The following PACRG variants were observed in gnomAD, a reference collection of about 807,000 sequenced individuals.
The protein encoded by PACRG is parkin coregulated, also known as parkin coregulated gene protein.
In PACRG, 29 loss-of-function variants were observed where a neutral mutation model predicts 29.7. The observed-to-expected ratio is 0.98, with a 90% CI of 0.73 to 1.33. The LOEUF (loss-of-function observed/expected upper bound fraction) is 1.33. Ranked by LOEUF, PACRG falls within the 40% of genes most tolerant of loss-of-function variation. PACRG has a pLI of 0.00. For synonymous variants in PACRG, 116 were observed against 118.7 expected, an observed-to-expected ratio of 0.98 and a Z score of 0.15; for missense variants, 279 against 316.2, an observed-to-expected ratio of 0.88 and a Z score of 0.89.
chr6:162,778,123 G>C (rs1303738265), intron 1 of PACRG, among the ~76,000 whole-genome samples: 1 of 152,130 alleles, frequency 6.6e-6, no homozygotes, highest in Non-Finnish European at 1.5e-5. Flanking sequence ...TCGGTGTTTT[G>C]GGGGGAGGAA....
At chr6:162,949,555 ACTATAAATACC>A (rs534878266) in intron 2 of PACRG, among the ~76,000 whole-genome samples, 90 of 152,338 alleles carry the variant, frequency 5.9e-4, no homozygotes, top group Non-Finnish European at 1.1e-3. Context: ...GGTGCTAGAT[ACTATAAATACC>A]CTAGCTTGAT....
intron 2 of PACRG, among the ~76,000 whole-genome samples, chr6:162,815,991 G>A (rs1266438281): frequency 2.6e-5 from 4 of 151,844 alleles, no homozygotes; most frequent in African/African-American, 9.7e-5. Flanking sequence ...ATAATTTTAT[G>A]AGCAACCTTT....
At chr6:163,061,391 C>T (rs1811084481) in intron 2 of PACRG, among the ~76,000 whole-genome samples, 1 of 152,188 alleles carries the variant, frequency 6.6e-6, no homozygotes, top group Non-Finnish European at 1.5e-5. Flanking sequence ...GTTTTAGTTC[C>T]CATTCCCTGG....
At chr6:162,959,617 A>G (rs1800442088) in intron 2 of PACRG, among the ~76,000 whole-genome samples, 1 of 152,160 alleles carries the variant, frequency 6.6e-6, no homozygotes, top group Admixed American at 6.5e-5. Flanking sequence ...TTGGAATAAC[A>G]TGATCTGACT....
At chr6:162,809,537 C>T (rs974556750) in intron 1 of PACRG, among the ~76,000 whole-genome samples, 1 of 152,132 alleles carries the variant, frequency 6.6e-6, no homozygotes, top group East Asian at 1.9e-4. Flanking sequence ...TATGAATAGC[C>T]TTCTAAGCTT....
chr6:162,799,545 A>C (rs1785674892), intron 1 of PACRG, among the ~76,000 whole-genome samples: 1 of 152,074 alleles, frequency 6.6e-6, no homozygotes, highest in Non-Finnish European at 1.5e-5. Context: ...TCATAATCAG[A>C]GTATTTCATA....
In PACRG at chr6:162,806,428, T is replaced by TA. The variant is rs74420708; in HGVS notation, c.157-7704dup. ...CCTGGCCTAAAATGTATTTCTTAAGTAAAAAAAAAAAAAAAGCTGAAAGTC... is the reference window on the plus strand; with the variant it reads ...CCTGGCCTAAAATGTATTTCTTAAGTAAAAAAAAAAAAAAAAGCTGAAAGTC... On this transcript the variant is annotated intron_variant, in intron 1 of 4. Transcript: ENST00000366888. 6.2e-3 allele frequency among the ~76,000 whole-genome samples: 795 copies of TA among 127,330 alleles called. 4 individuals are homozygous for TA. Among genetic ancestry groups the TA allele is most frequent in the Non-Finnish European group, 7.9e-3 (465 of 59,228 alleles). 83.5% of individuals were successfully genotyped at this position (127,330 alleles called of 152,430 possible).
intron 4 of PACRG, among the ~76,000 whole-genome samples, chr6:163,283,732 C>T (rs371806443): frequency 2.0e-5 from 3 of 148,450 alleles, no homozygotes; most frequent in South Asian, 2.1e-4. Flanking sequence ...ACCCGGGAAG[C>T]GGAGCTTGCA....
rs565047015 is a variant in PACRG, at chr6:163,217,993, A to G, written c.614-96834A>G. On this transcript the variant is annotated intron_variant, in intron 4 of 4. Transcript: ENST00000366888. ...CTTGAACCGTGAAACCCTCCCCGAC[A>G]CTGGTCCATGGAAAAATTGTGTTGG... 2.0e-4 allele frequency among the ~76,000 whole-genome samples: 30 copies of G among 152,242 alleles called. No homozygotes were observed. The South Asian group carries it at 5.0e-3, about 25-fold the overall frequency.
At chr6:162,870,980 C>G (rs996168391) in intron 2 of PACRG, among the ~76,000 whole-genome samples, 8 of 152,086 alleles carry the variant, frequency 5.3e-5, no homozygotes, top group Non-Finnish European at 1.0e-4. Context: ...AAGTAAAGGC[C>G]TGTGGTATCA....
At chr6:162,885,333 G>A (rs1473672068) in intron 2 of PACRG, among the ~76,000 whole-genome samples, 5 of 150,808 alleles carry the variant, frequency 3.3e-5, no homozygotes, top group East Asian at 1.9e-4. Context: ...GCAGTGGCAC[G>A]ACCTTAGCTC....
intron 2 of PACRG, among the ~76,000 whole-genome samples, chr6:162,820,309 G>T (rs1261795480): frequency 6.7e-6 from 1 of 149,950 alleles, no homozygotes; most frequent in Non-Finnish European, 1.5e-5. Context: ...TTTTTTTCTA[G>T]TTCTTTTTAT....
chr6:162,752,784 T>TA (rs1781608477), intron 1 of PACRG, among the ~76,000 whole-genome samples: 1 of 152,188 alleles, frequency 6.6e-6, no homozygotes, highest in Non-Finnish European at 1.5e-5. Flanking sequence ...AGAAAAATAT[T>TA]AAAATACATA....
chr6:163,197,054 AAAAG>A (rs1780488669), intron 4 of PACRG, among the ~76,000 whole-genome samples: 1 of 152,230 alleles, frequency 6.6e-6, no homozygotes. Flanking sequence ...GAAGCAGAAA[AAAAG>A]TAAGAAGAAC....
chr6:163,115,301 G>A (rs984989437), intron 4 of PACRG, among the ~76,000 whole-genome samples: 5 of 152,140 alleles, frequency 3.3e-5, no homozygotes, highest in Admixed American at 1.3e-4. Context: ...TGGGGGCATC[G>A]GGGAAGGCTT....
At chr6:163,000,190 A>T (rs1804451483) in intron 2 of PACRG, among the ~76,000 whole-genome samples, 1 of 152,180 alleles carries the variant, frequency 6.6e-6, no homozygotes, top group Admixed American at 6.5e-5. Flanking sequence ...CCTCTTGAAG[A>T]CCTGGAGGAC....
chr6:163,030,416 C>A (rs761315103), intron 2 of PACRG, among the ~76,000 whole-genome samples: 1 of 152,122 alleles, frequency 6.6e-6, no homozygotes, highest in Non-Finnish European at 1.5e-5. Flanking sequence ...ACATCTCTTC[C>A]TAGTGATTTC....
At chr6:163,171,361 T>C (rs1779075174) in intron 4 of PACRG, among the ~76,000 whole-genome samples, 1 of 152,206 alleles carries the variant, frequency 6.6e-6, no homozygotes. Flanking sequence ...GAGTGCTGAC[T>C]GGGCACCAGG....
At chr6:163,124,533 ATTATT>A (rs796389060) in intron 4 of PACRG, among the ~76,000 whole-genome samples, 2 of 152,222 alleles carry the variant, frequency 1.3e-5, no homozygotes, top group African/African-American at 4.8e-5. Flanking sequence ...GGAATATAAC[ATTATT>A]TTATTTTATT....
Sources: allele counts gnomAD v4.1 joint callset (sites outside exome capture counted in the v4.1 genomes callset), GRCh38; gene constraint gnomAD v4.1.1; transcripts MANE v1.5; gene names NCBI Gene and HGNC (gene_info 2026-07-23, HGNC 2026-07-21).